The following PRSS23 variants were observed in gnomAD, a reference collection of about 807,000 sequenced individuals.
PRSS23 encodes the protein protease, serine 23.
In PRSS23, 25 loss-of-function variants were observed where a neutral mutation model predicts 34.7. The observed-to-expected ratio is 0.72, with a 90% CI of 0.53 to 1.01. The LOEUF (loss-of-function observed/expected upper bound fraction) is 1.01. Ranked by LOEUF, PRSS23 falls within the 50% of genes least tolerant of loss-of-function variation. PRSS23 has a pLI of 0.00. For synonymous variants in PRSS23, 176 were observed against 186.6 expected (o/e 0.94, Z 0.46); for missense variants, 445 against 475.6 (o/e 0.94, Z 0.60).
chr11:86,941,438 C>A (rs1318673078), intron 2 of PRSS23, among the ~76,000 whole-genome samples: 1 of 152,140 alleles, frequency 6.6e-6, no homozygotes, highest in African/African-American at 2.4e-5. Context: ...ACGGTGCCTT[C>A]CCAGGACAGT....
At chr11:86,899,605 C>G (rs1212257714) in intron 2 of PRSS23, among the ~76,000 whole-genome samples, 14 of 151,908 alleles carry the variant, frequency 9.2e-5, no homozygotes, top group Admixed American at 8.5e-4. Flanking sequence ...AGCTCTGCCT[C>G]CCAGGTTCAC....
intron 2 of PRSS23, among the ~76,000 whole-genome samples, chr11:86,845,502 A>G (rs1007080822): frequency 6.6e-6 from 1 of 152,240 alleles, no homozygotes; most frequent in Non-Finnish European, 1.5e-5. Flanking sequence ...CTGTTGGATC[A>G]ACAAGAAATC....
At chr11:86,902,255 C>G (rs1264222395) in intron 2 of PRSS23, among the ~76,000 whole-genome samples, 1 of 152,190 alleles carries the variant, frequency 6.6e-6, no homozygotes, top group South Asian at 2.1e-4. Flanking sequence ...TCCCCTAAAA[C>G]CTTATCTATT....
intron 2 of PRSS23, among the ~76,000 whole-genome samples, chr11:86,828,765 G>T (rs1948325209): frequency 6.6e-6 from 1 of 152,108 alleles, no homozygotes; most frequent in Admixed American, 6.6e-5. Flanking sequence ...GCTTAGTTTG[G>T]CTGGATATGA....
chr11:86,884,955 G>T (rs1948792851), intron 2 of PRSS23, among the ~76,000 whole-genome samples: 1 of 152,124 alleles, frequency 6.6e-6, no homozygotes, highest in Non-Finnish European at 1.5e-5. Flanking sequence ...AAATTTAGGT[G>T]TTTCTCCTAT....
intron 1 of PRSS23, 40 bp downstream of exon 1, chr11:86,800,691 G>T (rs1309778968): frequency 3.1e-6 from 3 of 967,798 alleles, no homozygotes; most frequent in Non-Finnish European, 3.7e-6. Flanking sequence ...CCCGGGCGCG[G>T]GAGAGGCGAG....
At chr11:86,849,863 C>A (rs568194741) in intron 2 of PRSS23, among the ~76,000 whole-genome samples, 1 of 152,284 alleles carries the variant, frequency 6.6e-6, no homozygotes, top group East Asian at 1.9e-4. Context: ...ACAAAGCCAG[C>A]TTAATTCTCT....
intron 2 of PRSS23, among the ~76,000 whole-genome samples, chr11:86,832,048 C>T (rs1227927839): frequency 6.6e-6 from 1 of 151,948 alleles, no homozygotes; most frequent in Non-Finnish European, 1.5e-5. Context: ...GTAAATGTTA[C>T]TCCTAATGTC....
intron 2 of PRSS23, among the ~76,000 whole-genome samples, chr11:86,920,735 C>A (rs919372799): frequency 1.3e-5 from 2 of 152,128 alleles, no homozygotes; most frequent in Non-Finnish European, 2.9e-5. Context: ...TACCCCATTT[C>A]TCTACTTCCC....
chr11:86,845,886 A>G (rs1260337598), intron 2 of PRSS23, among the ~76,000 whole-genome samples: 2 of 152,140 alleles, frequency 1.3e-5, no homozygotes. Context: ...GTCCTGTAAG[A>G]TCCTGTCTCC....
chr11:86,844,265 G>A (rs1948469997), intron 2 of PRSS23, among the ~76,000 whole-genome samples: 2 of 152,156 alleles, frequency 1.3e-5, no homozygotes, highest in Non-Finnish European at 2.9e-5. Flanking sequence ...CCTGTCAGGG[G>A]GTAGGCAGCT....
chr11:86,825,041 T>C (rs1948288163), intron 2 of PRSS23, among the ~76,000 whole-genome samples: 1 of 152,186 alleles, frequency 6.6e-6, no homozygotes, highest in Admixed American at 6.5e-5. Context: ...TCTAGATCCC[T>C]GAGGAATCGC....
At chr11:86,941,129 CTCTT>C (rs1442547293) in intron 2 of PRSS23, 1 of 152,172 alleles carries the variant, frequency 6.6e-6, no homozygotes, top group Non-Finnish European at 1.5e-5. Context: ...CCTCACTTCT[CTCTT>C]TTTCTTCTTC....
intron 2 of PRSS23, among the ~76,000 whole-genome samples, chr11:86,846,893 T>C (rs1470441886): frequency 6.6e-6 from 1 of 152,138 alleles, no homozygotes; most frequent in Non-Finnish European, 1.5e-5. Context: ...AATTTAAAGA[T>C]AGGTCTGTAA....
At chr11:86,932,400 C>A (rs1949132170) in intron 2 of PRSS23, among the ~76,000 whole-genome samples, 1 of 152,138 alleles carries the variant, frequency 6.6e-6, no homozygotes, top group Admixed American at 6.5e-5. Flanking sequence ...GAAGCAGGGG[C>A]CATCACCATC....
intron 2 of PRSS23, among the ~76,000 whole-genome samples, chr11:86,882,515 A>C (rs902834775): frequency 6.6e-6 from 1 of 151,710 alleles, no homozygotes; most frequent in African/African-American, 2.4e-5. Flanking sequence ...AGCTCCATCC[A>C]TGTCCCTACG....
intron 2 of PRSS23, chr11:86,832,917 C>G: frequency 2.9e-6 from 1 of 346,144 alleles, no homozygotes. Context: ...TGAGAAGGGT[C>G]ACAGAAGAAA....
At chr11:86,835,021 T>C (rs1199736608) in intron 2 of PRSS23, among the ~76,000 whole-genome samples, 2 of 152,220 alleles carry the variant, frequency 1.3e-5, no homozygotes, top group Non-Finnish European at 2.9e-5. Flanking sequence ...TCAAGTGGCA[T>C]AGGTTTGAGC....
At chr11:86,944,726 A>G (rs1398386229) in intron 2 of PRSS23, among the ~76,000 whole-genome samples, 1 of 152,256 alleles carries the variant, frequency 6.6e-6, no homozygotes, top group Non-Finnish European at 1.5e-5. Context: ...TTAACTTCGT[A>G]ATTACTTAAT....
Sources: gnomAD v4.1 joint callset for allele counts (sites outside exome capture counted in the v4.1 genomes callset) on GRCh38, gnomAD v4.1.1 for gene constraint, MANE v1.5 for transcripts, NCBI Gene and HGNC (gene_info 2026-07-23, HGNC 2026-07-21) for gene names.